The following UBTD1 variants were observed in gnomAD, a reference collection of about 807,000 sequenced individuals.
UBTD1 encodes ubiquitin domain containing 1.
In UBTD1, 19 loss-of-function variants were observed where a neutral mutation model predicts 21.7. The ratio of observed to expected loss-of-function variants is 0.87; its 90% CI spans 0.61 to 1.28. The LOEUF (loss-of-function observed/expected upper bound fraction) is 1.28. Among genes scored for constraint, UBTD1 ranks in the 50% most tolerant of loss-of-function variants. UBTD1 has a pLI of 0.00. For synonymous variants in UBTD1, 116 were observed against 135.1 expected (o/e 0.86, Z 0.98); for missense variants, 282 against 315.1 (o/e 0.89, Z 0.80).
At chr10:97,530,658 C>T (rs1483871673) in intron 1 of UBTD1, among the ~76,000 whole-genome samples, 1 of 151,982 alleles carries the variant, frequency 6.6e-6, no homozygotes, top group Non-Finnish European at 1.5e-5. Flanking sequence ...ACCACTGGTC[C>T]AGCAGCTGGT....
At chr10:97,526,965 A>T (rs1188667846) in intron 1 of UBTD1, among the ~76,000 whole-genome samples, 2 of 151,994 alleles carry the variant, frequency 1.3e-5, no homozygotes, top group Non-Finnish European at 2.9e-5. Flanking sequence ...TGAGCTCAAG[A>T]GTTCAAGACC....
In UBTD1 at chr10:97,499,081, G is replaced by GC. The variant is rs553645840; in HGVS notation, c.-123_-122insC. The GC allele has an allele frequency of 1.1e-4, 122 of 1,131,514 alleles. No individual in the cohort carries two copies. The South Asian group carries it at 1.1e-3, about 11-fold the overall frequency. 70.1% of individuals were successfully genotyped at this position (1,131,514 alleles called of 1,614,324 possible). A position where few individuals can be genotyped will look rare whatever the true frequency, so the allele number is the denominator to read the frequency against. Reference sequence around the variant, plus strand: ...CATCGCTGGGGCTGAGCGCGCCCCCGGGGGGAGATCGGGGAGCGCCCGATG... The same window carrying GC: ...CATCGCTGGGGCTGAGCGCGCCCCCGCGGGGGAGATCGGGGAGCGCCCGATG... On this transcript the variant is annotated 5_prime_UTR_variant, in exon 1 of 3. Coordinates refer to ENST00000370664, the MANE Select transcript of UBTD1 (RefSeq NM_024954.5).
At chr10:97,520,175 A>G (rs1223406780) in intron 1 of UBTD1, among the ~76,000 whole-genome samples, 1 of 152,148 alleles carries the variant, frequency 6.6e-6, no homozygotes, top group East Asian at 1.9e-4. Flanking sequence ...ATTATGTGGG[A>G]TAATGCCTGG....
intron 1 of UBTD1, among the ~76,000 whole-genome samples, chr10:97,543,796 T>C (rs909701666): frequency 6.6e-6 from 1 of 152,200 alleles, no homozygotes; most frequent in African/African-American, 2.4e-5. Flanking sequence ...GAAAATTATG[T>C]AATTATGAAA....
At chr10:97,568,236 T>A in intron 2 of UBTD1, 95 bp downstream of exon 2, 1 of 1,336,458 alleles carries the variant, frequency 7.5e-7, no homozygotes, top group East Asian at 2.4e-5. Context: ...GTGGGGCAGG[T>A]GGTTACTCAC....
intron 1 of UBTD1, among the ~76,000 whole-genome samples, chr10:97,529,119 C>T (rs2040511755): frequency 6.6e-6 from 1 of 151,808 alleles, no homozygotes; most frequent in South Asian, 2.1e-4. Flanking sequence ...TCCTCACATC[C>T]CAGACGGGGC....
At chr10:97,560,650 T>C (rs1475184478) in intron 1 of UBTD1, among the ~76,000 whole-genome samples, 1 of 152,318 alleles carries the variant, frequency 6.6e-6, no homozygotes, top group East Asian at 1.9e-4. Flanking sequence ...AACCCACCTC[T>C]AATGCTGGCC....
chr10:97,545,591 A>T (rs1589879110), intron 1 of UBTD1, among the ~76,000 whole-genome samples: 1 of 152,176 alleles, frequency 6.6e-6, no homozygotes, highest in African/African-American at 2.4e-5. Context: ...GTGTATCTTT[A>T]ATCCCCCTAA....
At chr10:97,515,261 A>G (rs75441252) in intron 1 of UBTD1, among the ~76,000 whole-genome samples, 4,641 of 152,338 alleles carry the variant, frequency 0.03, 198 homozygotes, top group African/African-American at 0.088. Context: ...AGGCAAGGAA[A>G]GAGCATTTAA....
intron 1 of UBTD1, among the ~76,000 whole-genome samples, chr10:97,557,969 T>C (rs2040672616): frequency 6.6e-6 from 1 of 152,202 alleles, no homozygotes; most frequent in African/African-American, 2.4e-5. Flanking sequence ...TCAGTTGAAG[T>C]CCTTACTGTA....
chr10:97,543,580 G>T (rs941089838), intron 1 of UBTD1, among the ~76,000 whole-genome samples: 3 of 152,200 alleles, frequency 2.0e-5, no homozygotes, highest in Admixed American at 2.0e-4. Flanking sequence ...ATTTGCATTT[G>T]GCAGATGTGC....
intron 1 of UBTD1, among the ~76,000 whole-genome samples, chr10:97,515,003 A>G (rs1589868973): frequency 6.6e-6 from 1 of 152,164 alleles, no homozygotes; most frequent in East Asian, 1.9e-4. Context: ...CAGGGTTGCA[A>G]GCTCTGTGAC....
At chr10:97,541,068 A>G (rs1333643619) in intron 1 of UBTD1, among the ~76,000 whole-genome samples, 1 of 152,026 alleles carries the variant, frequency 6.6e-6, no homozygotes, top group Non-Finnish European at 1.5e-5. Flanking sequence ...GAGTGAGAGG[A>G]CCTGAAACCA....
At chr10:97,548,281 C>T (rs372351566) in intron 1 of UBTD1, among the ~76,000 whole-genome samples, 1 of 152,312 alleles carries the variant, frequency 6.6e-6, no homozygotes, top group Admixed American at 6.5e-5. Context: ...GAGCTGCTAA[C>T]GCTGGAACTG....
At chr10:97,508,932 C>T (rs2040409972) in intron 1 of UBTD1, among the ~76,000 whole-genome samples, 2 of 152,210 alleles carry the variant, frequency 1.3e-5, no homozygotes, top group East Asian at 1.9e-4. Context: ...CTCCGCTTTC[C>T]AACACCCAGA....
At chr10:97,533,026 G>C (rs2135670988) in intron 1 of UBTD1, among the ~76,000 whole-genome samples, 1 of 152,326 alleles carries the variant, frequency 6.6e-6, no homozygotes, top group East Asian at 1.9e-4. Flanking sequence ...CAGCTGGAAA[G>C]CTCTGTTCCT....
intron 1 of UBTD1, among the ~76,000 whole-genome samples, chr10:97,544,311 TGGAGA>T (rs1023850110): frequency 5.4e-5 from 8 of 149,424 alleles, no homozygotes; most frequent in Non-Finnish European, 1.2e-4. Flanking sequence ...AAAAGGAATC[TGGAGA>T]AACTGCAGGA....
intron 1 of UBTD1, among the ~76,000 whole-genome samples, chr10:97,540,983 T>A (rs2040584529): frequency 6.6e-6 from 1 of 152,124 alleles, no homozygotes. Context: ...GCTGCGTGTG[T>A]GTCCACTAGG....
intron 2 of UBTD1, among the ~76,000 whole-genome samples, chr10:97,568,684 A>G (rs1198758730): frequency 5.3e-5 from 8 of 152,146 alleles, no homozygotes. Flanking sequence ...AGCCTCCCAA[A>G]GGCACTGACC....
Sources: allele counts gnomAD v4.1 joint callset (sites outside exome capture counted in the v4.1 genomes callset), GRCh38; gene constraint gnomAD v4.1.1; transcripts MANE v1.5; gene names NCBI Gene and HGNC (gene_info 2026-07-23, HGNC 2026-07-21).